CNGB3: variants seen among roughly 807,000 people sequenced by gnomAD.
The protein encoded by CNGB3 is cyclic nucleotide-gated channel beta-3.
Under a neutral mutation model 92.8 loss-of-function variants are expected in CNGB3, and 86 were observed. The observed-to-expected ratio is 0.93, with a 90% CI of 0.78 to 1.11. The LOEUF is 1.11. Ranked by LOEUF, CNGB3 falls within the 50% of genes least tolerant of loss-of-function variation. The pLI, the probability that CNGB3 is intolerant of heterozygous loss-of-function variation, is 0.00. For missense variants in CNGB3, 1,026 were observed against 956.8 expected, an observed-to-expected ratio of 1.07 and a Z score of -0.95; for synonymous variants, 333 against 332.7, an observed-to-expected ratio of 1.00 and a Z score of -0.01.
intron 2 of CNGB3, among the ~76,000 whole-genome samples, chr8:86,737,973 C>A (rs1364019633): frequency 1.3e-5 from 2 of 152,096 alleles, no homozygotes; most frequent in Non-Finnish European, 1.5e-5. Flanking sequence ...AATTTTTGTG[C>A]ATTTCTTATT....
intron 3 of CNGB3, among the ~76,000 whole-genome samples, chr8:86,694,927 A>C (rs1454513759): frequency 6.6e-6 from 1 of 152,158 alleles, no homozygotes; most frequent in Non-Finnish European, 1.5e-5. Context: ...CAATCTCAGC[A>C]CTTTGGGAGG....
chr8:86,676,330 A>G (rs892865219), intron 3 of CNGB3, among the ~76,000 whole-genome samples: 1 of 152,124 alleles, frequency 6.6e-6, no homozygotes, highest in Admixed American at 6.6e-5. Flanking sequence ...CAGCACTTTG[A>G]TAATATAAAG....
intron 13 of CNGB3, among the ~76,000 whole-genome samples, chr8:86,619,846 G>T (rs1822691703): frequency 7.0e-6 from 1 of 143,590 alleles, no homozygotes; most frequent in Admixed American, 7.6e-5. Flanking sequence ...TGATACTCTT[G>T]CCTTGGCCTC....
rs139271174 is a variant in CNGB3, at chr8:86,700,707, C to T, written c.338+25824G>A. On this transcript the variant is annotated intron_variant, in intron 3 of 17. Transcript: ENST00000320005. ...AGGCTGGAGTGCAGTGGCATGATCT[C>T]GGCTCACTGCAACCTCCATCTCCCG... 4.0e-3 allele frequency among the ~76,000 whole-genome samples: 604 copies of T among 152,252 alleles called. 32 individuals carry two copies. In the East Asian group the frequency reaches 0.1, roughly 26 times the overall value.
At chr8:86,597,596 C>T (rs752410173) in intron 15 of CNGB3, among the ~76,000 whole-genome samples, 3 of 151,990 alleles carry the variant, frequency 2.0e-5, no homozygotes, top group East Asian at 1.9e-4. Context: ...AGCATCCAGG[C>T]GGAGGTAATA....
chr8:86,693,374 T>C (rs1056200248), intron 3 of CNGB3, among the ~76,000 whole-genome samples: 1 of 151,772 alleles, frequency 6.6e-6, no homozygotes, highest in African/African-American at 2.4e-5. Flanking sequence ...TTATGTTTTG[T>C]TGTTTAATGT....
At chr8:86,719,919 G>C (rs1018801708) in intron 3 of CNGB3, among the ~76,000 whole-genome samples, 2 of 152,156 alleles carry the variant, frequency 1.3e-5, no homozygotes, top group Non-Finnish European at 2.9e-5. Flanking sequence ...TTCAACAAAT[G>C]GTGCTGGGAT....
intron 14 of CNGB3, among the ~76,000 whole-genome samples, chr8:86,609,351 C>T (rs1383657218): frequency 1.3e-5 from 2 of 152,276 alleles, no homozygotes; most frequent in East Asian, 3.9e-4. Flanking sequence ...GCTTGTATTT[C>T]CCATTTCAAT....
intron 2 of CNGB3, among the ~76,000 whole-genome samples, chr8:86,733,574 A>ATC (rs1825195694): frequency 6.6e-6 from 1 of 152,210 alleles, no homozygotes; most frequent in Non-Finnish European, 1.5e-5. Flanking sequence ...CTCTCTTCCC[A>ATC]CCTTATCCTT....
intron 3 of CNGB3, among the ~76,000 whole-genome samples, chr8:86,723,603 T>C (rs574649806): frequency 5.3e-5 from 8 of 152,270 alleles, no homozygotes; most frequent in Non-Finnish European, 8.8e-5. Context: ...CAGAAAGCTT[T>C]GGTCAGTTCT....
Position 86,645,716 on chromosome 8 carries a change from A to G in CNGB3, c.991-1030T>C, listed in dbSNP as rs78019368. ...TGATTTGTTTTTTCCAGAGTTCCTA[A>G]GTAGGAAAAAACTTCTTAAACACTC... On this transcript the variant is annotated intron_variant, in intron 8 of 17. Coordinates refer to ENST00000320005, the MANE Select transcript of CNGB3 (RefSeq NM_019098.5). Among the ~76,000 whole-genome samples the G allele has an allele frequency of 1.2e-4, 18 of 151,422 alleles. No individual in the cohort carries two copies. The East Asian group carries it at 3.5e-3, about 29-fold the overall frequency.
intron 12 of CNGB3, 80 bp from the exon 13 acceptor site, chr8:86,626,160 TTAAAA>T (rs1822844044): frequency 8.9e-7 from 1 of 1,120,624 alleles, no homozygotes. Context: ...AGAAAAATTT[TTAAAA>T]TAAAGGAAAC....
chr8:86,707,322 G>A (rs1215309712), intron 3 of CNGB3, among the ~76,000 whole-genome samples: 1 of 152,174 alleles, frequency 6.6e-6, no homozygotes. Flanking sequence ...TATAGAATAT[G>A]TCAGGTGATG....
intron 3 of CNGB3, among the ~76,000 whole-genome samples, chr8:86,721,795 A>G (rs1021365531): frequency 6.6e-5 from 10 of 152,296 alleles, no homozygotes; most frequent in Admixed American, 5.2e-4. Flanking sequence ...GATAGCTGAC[A>G]TTCCTTTTCT....
At chr8:86,644,264 G>A (rs920657654) in intron 9 of CNGB3, among the ~76,000 whole-genome samples, 11 of 151,084 alleles carry the variant, frequency 7.3e-5, no homozygotes, top group South Asian at 2.1e-4. Flanking sequence ...TAGAGGTTTC[G>A]GTGCAAGTAA....
chr8:86,731,956 G>A (rs545916322), intron 2 of CNGB3, among the ~76,000 whole-genome samples: 72 of 152,262 alleles, frequency 4.7e-4, no homozygotes, highest in Middle Eastern at 3.4e-3. Flanking sequence ...CCAGAAAATC[G>A]TAATGCAATT....
At chr8:86,617,146 G>A (rs893371508) in intron 13 of CNGB3, among the ~76,000 whole-genome samples, 1 of 152,184 alleles carries the variant, frequency 6.6e-6, no homozygotes, top group Non-Finnish European at 1.5e-5. Flanking sequence ...CAGAGCCATA[G>A]GTTAGATGGT....
At chr8:86,579,385 G>A in intron 15 of CNGB3, 133 bp from the exon 16 acceptor site, 1 of 1,040,512 alleles carries the variant, frequency 9.6e-7, no homozygotes, top group Non-Finnish European at 1.5e-6. Flanking sequence ...GGGTCCAGGT[G>A]ATTGTGCAGA....
intron 3 of CNGB3, among the ~76,000 whole-genome samples, chr8:86,723,170 A>C (rs577429520): frequency 3.5e-4 from 53 of 152,202 alleles, no homozygotes; most frequent in Non-Finnish European, 7.1e-4. Context: ...CAAAATCCAC[A>C]CTATGCATTC....
Sources: gnomAD v4.1 joint callset for allele counts (sites outside exome capture counted in the v4.1 genomes callset) on GRCh38, gnomAD v4.1.1 for gene constraint, MANE v1.5 for transcripts, NCBI Gene and HGNC (gene_info 2026-07-23, HGNC 2026-07-21) for gene names.